Variants in CNBD1 observed in about 807,000 individuals in gnomAD.
CNBD1 encodes the protein cyclic nucleotide-binding domain-containing protein 1.
A neutral mutation model predicts 54.4 loss-of-function variants in CNBD1; 71 were observed. The ratio of observed to expected loss-of-function variants is 1.30; its 90% CI spans 1.08 to 1.59. The LOEUF (loss-of-function observed/expected upper bound fraction) is 1.59, where lower values mean the gene tolerates loss of function less well. Among genes scored for constraint, CNBD1 ranks in the 40% most tolerant of loss-of-function variants. The pLI is 0.00. For synonymous variants in CNBD1, 182 were observed against 170.7 expected, an observed-to-expected ratio of 1.07 and a Z score of -0.51; for missense variants, 659 against 518.0, an observed-to-expected ratio of 1.27 and a Z score of -2.64.
At chr8:86,972,627 C>G (rs191891539) in intron 4 of CNBD1, among the ~76,000 whole-genome samples, 5 of 152,312 alleles carry the variant, frequency 3.3e-5, no homozygotes, top group African/African-American at 9.6e-5. Context: ...GACACACACA[C>G]ACACATCTTC....
chr8:87,087,458 A>G (rs532045866), intron 4 of CNBD1, among the ~76,000 whole-genome samples: 5 of 148,512 alleles, frequency 3.4e-5, no homozygotes, highest in Non-Finnish European at 5.9e-5. Context: ...CTATTGAAGT[A>G]CATTCTTTTT....
chr8:86,953,433 G>A (rs59579803), intron 4 of CNBD1, among the ~76,000 whole-genome samples: 4,074 of 152,254 alleles, frequency 0.027, 193 homozygotes, highest in African/African-American at 0.094. Context: ...GATTTACAAT[G>A]ACCTAACACA....
intron 6 of CNBD1, among the ~76,000 whole-genome samples, chr8:87,247,320 C>A (rs1223479259): frequency 6.6e-6 from 1 of 152,160 alleles, no homozygotes; most frequent in African/African-American, 2.4e-5. Context: ...GGAAGTAATG[C>A]TCCAACTCTT....
intron 10 of CNBD1, among the ~76,000 whole-genome samples, chr8:87,356,974 G>T (rs1810432656): frequency 6.6e-6 from 1 of 152,148 alleles, no homozygotes; most frequent in Non-Finnish European, 1.5e-5. Flanking sequence ...GAGCCATCCT[G>T]GGCTCAAACA....
At chr8:86,968,369 TG>T (rs2130485399) in intron 4 of CNBD1, among the ~76,000 whole-genome samples, 1 of 152,298 alleles carries the variant, frequency 6.6e-6, no homozygotes, top group African/African-American at 2.4e-5. Context: ...TGCTCAAGCA[TG>T]AGTGGGTCCT....
intron 8 of CNBD1, among the ~76,000 whole-genome samples, chr8:87,307,613 C>T (rs1809182605): frequency 6.6e-6 from 1 of 151,940 alleles, no homozygotes; most frequent in Non-Finnish European, 1.5e-5. Context: ...AGGCACATGC[C>T]TATAATCCCA....
intron 6 of CNBD1, among the ~76,000 whole-genome samples, chr8:87,256,576 A>G (rs971192535): frequency 1.9e-4 from 29 of 151,750 alleles, no homozygotes; most frequent in Admixed American, 1.5e-3. Flanking sequence ...TTCTTCTTCA[A>G]CAAATCCATC....
chr8:87,269,796 C>T (rs1268128389), intron 6 of CNBD1, among the ~76,000 whole-genome samples: 2 of 151,958 alleles, frequency 1.3e-5, no homozygotes, highest in East Asian at 1.9e-4. Flanking sequence ...CAAAAATAGT[C>T]CTGGACCAGA....
intron 4 of CNBD1, among the ~76,000 whole-genome samples, chr8:87,025,177 G>A (rs189933068): frequency 7.0e-5 from 10 of 143,416 alleles, no homozygotes; most frequent in Middle Eastern, 3.5e-3. Flanking sequence ...TCAGCACTCC[G>A]TAAAATGGAC....
intron 6 of CNBD1, among the ~76,000 whole-genome samples, chr8:87,265,412 T>G (rs893785160): frequency 6.6e-6 from 1 of 152,152 alleles, no homozygotes; most frequent in Non-Finnish European, 1.5e-5. Flanking sequence ...AGCCTTGTAG[T>G]GTAGTTTGAA....
At chr8:87,280,733 A>T (rs1808584729) in intron 6 of CNBD1, among the ~76,000 whole-genome samples, 1 of 151,628 alleles carries the variant, frequency 6.6e-6, no homozygotes, top group Admixed American at 6.6e-5. Context: ...ACTTTATTCA[A>T]AAGAAAGATT....
intron 4 of CNBD1, among the ~76,000 whole-genome samples, chr8:86,986,637 T>C (rs1402255790): frequency 6.6e-6 from 1 of 152,250 alleles, no homozygotes; most frequent in Non-Finnish European, 1.5e-5. Context: ...AGGATTTTTA[T>C]AGTTTGAGGT....
rs116783934 is a variant in CNBD1, at chr8:87,300,756, C to A, written c.1042+14085C>A. Among the ~76,000 whole-genome samples, 1,264 of 151,920 alleles carry A rather than the reference C, an allele frequency of 8.3e-3. 31 individuals are homozygous for A. Among genetic ancestry groups the A allele is most frequent in the African/African-American group, 0.029 (1,209 of 41,458 alleles). ...ATTTCCAATGTTTGGAGGGTGAAGG[C>A]CTCTTATTTTAGTATGGTTCCACTG... On this transcript the variant is annotated intron_variant, in intron 8 of 10. Coordinates refer to ENST00000518476, the MANE Select transcript of CNBD1 (RefSeq NM_173538.3).
intron 4 of CNBD1, 173 bp downstream of exon 4, chr8:86,939,927 C>T (rs144520764): frequency 0.018 from 7,863 of 426,424 alleles, 126 homozygotes; most frequent in Middle Eastern, 0.076. Flanking sequence ...ATACAGTCTT[C>T]ATGAATTCAG....
chr8:87,240,442 T>C (rs1286274697), intron 6 of CNBD1, among the ~76,000 whole-genome samples: 3 of 152,182 alleles, frequency 2.0e-5, no homozygotes, highest in African/African-American at 7.2e-5. Flanking sequence ...GTAGTATTAC[T>C]CTTCCATGAT....
At chr8:87,357,370 C>T (rs758857513) in intron 10 of CNBD1, among the ~76,000 whole-genome samples, 1 of 152,184 alleles carries the variant, frequency 6.6e-6, no homozygotes, top group African/African-American at 2.4e-5. Flanking sequence ...AAAGAAGCCA[C>T]GTGGGCTGCA....
intron 4 of CNBD1, among the ~76,000 whole-genome samples, chr8:87,001,433 C>T (rs895923621): frequency 6.6e-6 from 1 of 151,998 alleles, no homozygotes; most frequent in African/African-American, 2.4e-5. Flanking sequence ...AGATAAGTTA[C>T]TGTTTCTTTT....
chr8:87,331,742 A>C (rs1323111044), intron 8 of CNBD1, among the ~76,000 whole-genome samples: 1 of 152,142 alleles, frequency 6.6e-6, no homozygotes, highest in Non-Finnish European at 1.5e-5. Context: ...TTTACTTTTT[A>C]ATAATTGCCA....
intron 6 of CNBD1, among the ~76,000 whole-genome samples, chr8:87,283,563 T>C (rs1808636843): frequency 6.6e-6 from 1 of 152,168 alleles, no homozygotes; most frequent in South Asian, 2.1e-4. Context: ...TCTTCTACTA[T>C]GCATAAGTGT....
Sources: allele counts gnomAD v4.1 joint callset (sites outside exome capture counted in the v4.1 genomes callset), GRCh38; gene constraint gnomAD v4.1.1; transcripts MANE v1.5; gene names NCBI Gene and HGNC (gene_info 2026-07-23, HGNC 2026-07-21).